Variants in KLHL26 observed in about 807,000 individuals in gnomAD.
The protein encoded by KLHL26 is kelch-like protein 26.
KLHL26 carries 4 observed loss-of-function variants against 7.1 expected under a neutral mutation model. The ratio of observed to expected loss-of-function variants is 0.56; its 90% CI spans 0.28 to 1.28. The LOEUF (loss-of-function observed/expected upper bound fraction) is 1.28. Ranked by LOEUF, KLHL26 falls within the 50% of genes most tolerant of loss-of-function variation. The pLI is 0.11. For missense variants in KLHL26, 896 were observed against 924.6 expected (o/e 0.97, Z 0.40); for synonymous variants, 465 against 414.1 (o/e 1.12, Z -1.49).
intron 1 of KLHL26, among the ~76,000 whole-genome samples, chr19:18,653,976 C>G (rs1039041778): frequency 8.9e-6 from 1 of 112,702 alleles, no homozygotes; most frequent in African/African-American, 3.5e-5. Flanking sequence ...TCCACCCATC[C>G]ACCCACGCTT....
rs748049106 is a variant in KLHL26, at chr19:18,668,541, G to C, written c.1144G>C (p.Ala382Pro). ...CCGCAGCGGCGAGGGCGCAGTGGAC[G>C]CCTGCTACCGCTACGACCCCCACCT... ...QYRSGEGAVD[A>P]CYRYDPHLNR... The change falls in exon 3 of 3, where the codon GCC becomes CCC. Residue 382 changes from alanine to proline, a missense_variant. By Grantham distance (27) the Ala-to-Pro change is conservative (BLOSUM62 -1). Coordinates refer to ENST00000300976, the MANE Select transcript of KLHL26 (RefSeq NM_018316.3). The C allele has an allele frequency of 1.3e-6, 2 of 1,594,108 alleles. No individual in the cohort carries two copies. Among genetic ancestry groups the C allele is most frequent in the Non-Finnish European group, 1.7e-6 (2 of 1,173,506 alleles).
Position 18,669,483 on chromosome 19 carries a change from C to G in KLHL26, c.*238C>G, listed in dbSNP as rs2052503355. ...CAAAGCGTCTGACATGTGGTGGCAGCAAATTCGTCCCCGGGGTGGTTTCCT... is the reference window on the plus strand; with the variant it reads ...CAAAGCGTCTGACATGTGGTGGCAGGAAATTCGTCCCCGGGGTGGTTTCCT... On this transcript the variant is annotated 3_prime_UTR_variant, in exon 3 of 3. Transcript: ENST00000300976. 1.7e-6 allele frequency: 1 copy of G among 573,938 alleles called. No homozygotes were observed. The highest frequency in any genetic ancestry group is 3.1e-6 in the Non-Finnish European group (1 of 325,246). The allele number at this position is 573,938 out of a possible 1,614,324, so 35.6% of individuals were successfully genotyped here. A position where few individuals can be genotyped will look rare whatever the true frequency, so the allele number is the denominator to read the frequency against.
intron 2 of KLHL26, among the ~76,000 whole-genome samples, chr19:18,666,492 C>G (rs927477186): frequency 2.0e-5 from 3 of 152,194 alleles, no homozygotes. Flanking sequence ...TGCTGGGGAA[C>G]ACCCTAAACG....
chr19:18,655,721 G>T, intron 1 of KLHL26, among the ~76,000 whole-genome samples: 1 of 152,270 alleles, frequency 6.6e-6, no homozygotes, highest in African/African-American at 2.4e-5. Context: ...TGCTGGTCAG[G>T]GAGGTGGGGT....
At chr19:18,643,026 G>A (rs1359723008) in intron 1 of KLHL26, among the ~76,000 whole-genome samples, 1 of 151,632 alleles carries the variant, frequency 6.6e-6, no homozygotes, top group Non-Finnish European at 1.5e-5. Context: ...TAGAGACGGG[G>A]TTTCACCATG....
rs1227158816 is a variant in KLHL26, at chr19:18,650,401, ACCCT to A, written c.83+13266_83+13269del. ...GAGCCCCACAGAGGACCCCCAAGACACCCTCTCTGTTGCCATCAGCCTGAGTCAT... is the reference window on the plus strand; with the variant it reads ...GAGCCCCACAGAGGACCCCCAAGACACTCTGTTGCCATCAGCCTGAGTCAT... On this transcript the variant is annotated intron_variant, in intron 1 of 2. Coordinates refer to ENST00000300976, the MANE Select transcript of KLHL26 (RefSeq NM_018316.3). This position sits in a 1 kb window ranked among gnomAD's most constrained non-coding sequence, Gnocchi z 4.2. 6.6e-6 allele frequency among the ~76,000 whole-genome samples: 1 copy of A among 151,932 alleles called. No homozygotes were observed. The highest frequency in any genetic ancestry group is 1.5e-5 in the Non-Finnish European group (1 of 67,944).
chr19:18,668,972 C>T lies in KLHL26; in HGVS notation c.1575C>T (p.Asp525=). The T allele has an allele frequency of 1.2e-6, 2 of 1,612,176 alleles. No homozygotes were observed. Among genetic ancestry groups the T allele is most frequent in the South Asian group, 1.1e-5 (1 of 91,078 alleles). ...GRMDHVDRCF[D]VLAVEYYVPE... ...TGGACCACGTGGACCGCTGCTTCGA[C>T]GTGCTGGCTGTGGAGTACTATGTGC... is the stretch of plus-strand genomic sequence containing the variant. Residue 525 remains aspartate (D), a synonymous_variant, in exon 3 of 3, where the codon GAC becomes GAT. Coordinates refer to ENST00000300976, the MANE Select transcript of KLHL26 (RefSeq NM_018316.3).
intron 1 of KLHL26, among the ~76,000 whole-genome samples, chr19:18,647,811 C>A (rs1046004283): frequency 6.6e-6 from 1 of 152,128 alleles, no homozygotes; most frequent in Non-Finnish European, 1.5e-5. Context: ...GCATGTGTCC[C>A]GGCATCCCCA....
Position 18,656,111 on chromosome 19 carries a change from G to T in KLHL26, c.84-8150G>T, listed in dbSNP as rs988482050. 2.6e-5 allele frequency among the ~76,000 whole-genome samples: 4 copies of T among 152,154 alleles called. No homozygotes were observed. Among genetic ancestry groups the T allele is most frequent in the African/African-American group, 9.6e-5 (4 of 41,458 alleles). ...TGCACCTCTAACCCCCTGTTTTCTG[G>T]AAGGTTTGAGCAAGGCTCAGGAAAG... On this transcript the variant is annotated intron_variant, in intron 1 of 2. Transcript: ENST00000300976. The surrounding 1 kb of genome is among the most constrained non-coding windows in gnomAD (Gnocchi z 4.4).
At chr19:18,660,039 G>C (rs866036949) in intron 1 of KLHL26, among the ~76,000 whole-genome samples, 2 of 152,220 alleles carry the variant, frequency 1.3e-5, no homozygotes, top group Non-Finnish European at 1.5e-5. Context: ...GTAGTGAGCA[G>C]GTGGTCCCAG....
At chr19:18,644,767 G>A (rs2145374113) in intron 1 of KLHL26, 1 of 152,332 alleles carries the variant, frequency 6.6e-6, no homozygotes, top group Non-Finnish European at 1.5e-5. Flanking sequence ...GTCTCTAGCT[G>A]CCTTTCTAGC....
intron 1 of KLHL26, among the ~76,000 whole-genome samples, chr19:18,652,362 G>C (rs1186397233): frequency 6.6e-6 from 1 of 151,986 alleles, no homozygotes; most frequent in Admixed American, 6.6e-5. Flanking sequence ...GGCCGAGGCG[G>C]GCAGATCACC....
Position 18,668,030 on chromosome 19 carries a change from C to T in KLHL26, c.633C>T (p.Phe211=), listed in dbSNP as rs140820566. ...FLRLPLERLV[F]FLQSNRLQSC... ...GCCTGCCACTGGAGCGCCTGGTCTT[C>T]TTCCTGCAGAGCAACCGGCTGCAGA... The change falls in exon 3 of 3, where the codon TTC becomes TTT. Residue 211 remains phenylalanine (F), a synonymous_variant. Transcript: ENST00000300976. 4.8e-4 allele frequency: 772 copies of T among 1,609,032 alleles called. 5 individuals are homozygous for T. The African/African-American group carries it at 9.1e-3, about 19-fold the overall frequency.
intron 1 of KLHL26, among the ~76,000 whole-genome samples, chr19:18,655,150 C>T (rs531938403): frequency 2.0e-4 from 30 of 152,264 alleles, no homozygotes; most frequent in Admixed American, 1.3e-4. Context: ...TGGCAGGCAC[C>T]GCCCCTTCAT....
chr19:18,664,865 T>A (rs1210489898), intron 2 of KLHL26, among the ~76,000 whole-genome samples: 7 of 152,038 alleles, frequency 4.6e-5, no homozygotes, highest in Non-Finnish European at 5.9e-5. Flanking sequence ...ATTATAGGCG[T>A]GAGCCACCGC....
chr19:18,662,385 C>T (rs2052400238), intron 1 of KLHL26, among the ~76,000 whole-genome samples: 1 of 152,236 alleles, frequency 6.6e-6, no homozygotes, highest in Non-Finnish European at 1.5e-5. Context: ...ACAGCTGCAA[C>T]ACAAAGCTGA....
At chr19:18,658,511 GTC>G (rs1207142509) in intron 1 of KLHL26, among the ~76,000 whole-genome samples, 1 of 150,740 alleles carries the variant, frequency 6.6e-6, no homozygotes, top group African/African-American at 2.4e-5. Context: ...CTGTCTCTGG[GTC>G]TCTGTCTCTC....
intron 1 of KLHL26, among the ~76,000 whole-genome samples, chr19:18,640,505 A>G (rs1429650253): frequency 1.3e-5 from 2 of 150,528 alleles, no homozygotes; most frequent in Non-Finnish European, 2.9e-5. Context: ...TGCCTCCCAA[A>G]GTGCTGGGAT....
chr19:18,663,837 G>A (rs1296492951), intron 1 of KLHL26, among the ~76,000 whole-genome samples: 1 of 151,896 alleles, frequency 6.6e-6, no homozygotes, highest in Non-Finnish European at 1.5e-5. Context: ...CGTATACTCT[G>A]GGGTGCAGGG....
Sources: allele counts gnomAD v4.1 joint callset (sites outside exome capture counted in the v4.1 genomes callset), GRCh38; gene constraint gnomAD v4.1.1; non-coding constraint Gnocchi (gnomAD v3.1); transcripts MANE v1.5; gene names NCBI Gene and HGNC (gene_info 2026-07-23, HGNC 2026-07-21).